CPA6: variants seen among roughly 807,000 people sequenced by gnomAD.
CPA6 encodes carboxypeptidase B.
CPA6 carries 58 observed loss-of-function variants against 63.3 expected under a neutral mutation model. That is an observed-to-expected ratio of 0.92 (90% CI 0.74 to 1.14). The LOEUF is 1.14. Among genes scored for constraint, CPA6 ranks in the 50% most tolerant of loss-of-function variants. The probability of loss-of-function intolerance (pLI) is 0.00; values close to 1 mark genes in which losing one functional copy is unlikely to be tolerated. For missense variants in CPA6, 565 were observed against 526.6 expected (o/e 1.07, Z -0.71); for synonymous variants, 185 against 179.0 (o/e 1.03, Z -0.27).
chr8:67,432,010 A>G (rs902507318), intron 9 of CPA6, among the ~76,000 whole-genome samples: 3 of 152,194 alleles, frequency 2.0e-5, no homozygotes, highest in African/African-American at 7.2e-5. Flanking sequence ...ATAATAAAAA[A>G]TAAATACTTG....
chr8:67,600,446 T>A (rs1467094622), intron 2 of CPA6, among the ~76,000 whole-genome samples: 1 of 152,156 alleles, frequency 6.6e-6, no homozygotes, highest in Non-Finnish European at 1.5e-5. Flanking sequence ...TATTGTACAA[T>A]GTGATGACTA....
chr8:67,425,977 A>G lies in CPA6; in HGVS notation c.1126+2070T>C, dbSNP rs191303172. Among the ~76,000 whole-genome samples the G allele has an allele frequency of 1.7e-3, 252 of 151,566 alleles. 1 individual carries two copies. The highest frequency in any genetic ancestry group is 5.8e-3 in the African/African-American group (240 of 41,284). On this transcript the variant is annotated intron_variant, in intron 10 of 10. Coordinates refer to ENST00000297770, the MANE Select transcript of CPA6 (RefSeq NM_020361.5). The stretch of plus-strand genomic sequence containing the variant: ...AATGGCACCATCTTGGCTCACTGCA[A>G]TCTCTGCTCCTGGGGTTCAAGAGAT...
intron 1 of CPA6, among the ~76,000 whole-genome samples, chr8:67,631,278 C>T (rs777306456): frequency 6.6e-6 from 1 of 152,166 alleles, no homozygotes; most frequent in Non-Finnish European, 1.5e-5. Context: ...TTTGGATGCA[C>T]CAATCAGCAC....
At chr8:67,654,807 G>T (rs1206030658) in intron 1 of CPA6, among the ~76,000 whole-genome samples, 1 of 152,062 alleles carries the variant, frequency 6.6e-6, no homozygotes, top group East Asian at 1.9e-4. Flanking sequence ...ACGTAAATTG[G>T]TCTCCTCTTT....
chr8:67,664,281 G>A (rs1816180557), intron 1 of CPA6, among the ~76,000 whole-genome samples: 3 of 152,208 alleles, frequency 2.0e-5, no homozygotes, highest in Admixed American at 6.5e-5. Context: ...CCTAACATTT[G>A]TAGGAGCTGG....
intron 1 of CPA6, among the ~76,000 whole-genome samples, chr8:67,745,007 C>A (rs889652063): frequency 6.6e-6 from 1 of 152,204 alleles, no homozygotes. Context: ...ATACAATTCT[C>A]TTTTCCAGGG....
At chr8:67,681,019 T>A (rs1816580113) in intron 1 of CPA6, among the ~76,000 whole-genome samples, 1 of 152,058 alleles carries the variant, frequency 6.6e-6, no homozygotes, top group South Asian at 2.1e-4. Context: ...ATCAAATATA[T>A]GCATCATAAA....
At chr8:67,427,140 A>G (rs78590238) in intron 10 of CPA6, among the ~76,000 whole-genome samples, 24 of 152,322 alleles carry the variant, frequency 1.6e-4, no homozygotes, top group African/African-American at 5.8e-4. Context: ...TATTCTCACT[A>G]TAAGAAGGGT....
chr8:67,422,397 C>G lies in CPA6; in HGVS notation c.*107G>C. 1.1e-6 allele frequency: 1 copy of G among 931,564 alleles called. No individual in the cohort carries two copies. 57.7% of individuals were successfully genotyped at this position (931,564 alleles called of 1,614,324 possible). On this transcript the variant is annotated 3_prime_UTR_variant, in exon 11 of 11. Transcript: ENST00000297770. ...GTGGGGTCTTTTTAAAGTCCATAGA[C>G]ATGTTCACTCTAAGCAGCTGCCCTT... is the stretch of plus-strand genomic sequence containing the variant.
intron 8 of CPA6, among the ~76,000 whole-genome samples, chr8:67,440,147 G>A (rs1228893454): frequency 1.3e-5 from 2 of 152,120 alleles, no homozygotes; most frequent in African/African-American, 4.8e-5. Context: ...TGTCAGCAGG[G>A]CCATCCACCT....
intron 1 of CPA6, among the ~76,000 whole-genome samples, chr8:67,694,983 A>C (rs887324890): frequency 2.6e-5 from 4 of 152,148 alleles, no homozygotes; most frequent in Non-Finnish European, 5.9e-5. Context: ...GTGAACAAAA[A>C]ATTTGGAGAA....
intron 1 of CPA6, among the ~76,000 whole-genome samples, chr8:67,731,911 G>T (rs572867342): frequency 4.8e-4 from 73 of 152,310 alleles, no homozygotes; most frequent in African/African-American, 1.8e-3. Flanking sequence ...TACAATTTCA[G>T]ATGACTTCCT....
chr8:67,694,816 C>T (rs1216528871), intron 1 of CPA6, among the ~76,000 whole-genome samples: 1 of 152,140 alleles, frequency 6.6e-6, no homozygotes, highest in Non-Finnish European at 1.5e-5. Flanking sequence ...AAAATCTTCC[C>T]ACTGGGCAGA....
At chr8:67,429,753 T>C (rs1252531778) in intron 9 of CPA6, 1 of 152,200 alleles carries the variant, frequency 6.6e-6, no homozygotes, top group Non-Finnish European at 1.5e-5. Flanking sequence ...GATTATTTCA[T>C]TCTGCTAGTA....
At chr8:67,471,788 T>G (rs1811065492) in intron 8 of CPA6, among the ~76,000 whole-genome samples, 1 of 152,184 alleles carries the variant, frequency 6.6e-6, no homozygotes, top group Non-Finnish European at 1.5e-5. Flanking sequence ...ATAAGGAGTT[T>G]GGATTAAAAA....
chr8:67,575,763 C>A (rs993510485), intron 2 of CPA6, among the ~76,000 whole-genome samples: 11 of 150,196 alleles, frequency 7.3e-5, no homozygotes, highest in African/African-American at 2.5e-4. Flanking sequence ...GAGGCTGAGG[C>A]AGGAGAATTG....
At chr8:67,533,349 T>C (rs1812517834) in intron 2 of CPA6, among the ~76,000 whole-genome samples, 1 of 152,222 alleles carries the variant, frequency 6.6e-6, no homozygotes, top group Non-Finnish European at 1.5e-5. Flanking sequence ...GTTAAGAGAT[T>C]AAAAATTCCC....
At chr8:67,557,313 C>T (rs1449236206) in intron 2 of CPA6, among the ~76,000 whole-genome samples, 1 of 152,170 alleles carries the variant, frequency 6.6e-6, no homozygotes, top group East Asian at 1.9e-4. Context: ...ATCTGTGCAT[C>T]TCTGCTCCCA....
At chr8:67,651,042 A>G (rs1000004890) in intron 1 of CPA6, among the ~76,000 whole-genome samples, 1 of 152,186 alleles carries the variant, frequency 6.6e-6, no homozygotes, top group Admixed American at 6.6e-5. Context: ...CTGAGAAGCC[A>G]AAGAATCAAA....
Sources: allele counts gnomAD v4.1 joint callset (sites outside exome capture counted in the v4.1 genomes callset), GRCh38; gene constraint gnomAD v4.1.1; transcripts MANE v1.5; gene names NCBI Gene and HGNC (gene_info 2026-07-23, HGNC 2026-07-21).